ACTN1: variants seen among roughly 807,000 people sequenced by gnomAD.
The protein encoded by ACTN1 is alpha-actinin-1.
Under a neutral mutation model 119.6 loss-of-function variants are expected in ACTN1, and 30 were observed. That is an observed-to-expected ratio of 0.25 (90% CI 0.19 to 0.34). ACTN1 has a LOEUF of 0.34. Among genes scored for constraint, ACTN1 ranks in the 10% least tolerant of loss-of-function variants. The pLI, the probability that ACTN1 is intolerant of heterozygous loss-of-function variation, is 1.00. For missense variants in ACTN1, 764 were observed against 1,223.4 expected (o/e 0.62, Z 5.60); for synonymous variants, 429 against 472.6 (o/e 0.91, Z 1.20).
chr14:68,973,668 CCTAGTTTG>C lies in ACTN1; in HGVS notation c.105+5276_105+5283del, dbSNP rs944695531. On this transcript the variant is annotated intron_variant, in intron 1 of 21. Transcript: ENST00000394419. The stretch of plus-strand genomic sequence containing the variant: ...AAGGGGTTCCAGGGTGGCTCTGAGC[CCTAGTTTG>C]CTGTGTCTCCTGTCCCTACTACTCC... 22 of 152,188 alleles carry C rather than the reference CCTAGTTTG, an allele frequency of 1.4e-4. 2 individuals are homozygous for C. Among genetic ancestry groups the C allele is most frequent in the Admixed American group, 1.4e-3 (22 of 15,268 alleles). The allele number at this position is 152,188 out of a possible 1,614,324, so 9.4% of individuals were successfully genotyped here.
chr14:68,960,073 G>A (rs913064810), intron 1 of ACTN1, among the ~76,000 whole-genome samples: 8 of 152,126 alleles, frequency 5.3e-5, no homozygotes, highest in Admixed American at 1.3e-4. Context: ...AGTGGAAGTG[G>A]ATCATCATGA....
Position 68,880,003 on chromosome 14 carries a change from G to C in ACTN1, c.2239C>G (p.Gln747Glu), listed in dbSNP as rs747751019. 92 of 1,614,074 alleles carry C rather than the reference G, an allele frequency of 5.7e-5. No individual in the cohort carries two copies. Among genetic ancestry groups the C allele is most frequent in the Middle Eastern group, 4.9e-4 (3 of 6,082 alleles). The change falls in exon 18 of 22, where the codon CAG becomes GAG. Residue 747 changes from glutamine to glutamate, a missense_variant. This residue lies in a region of ACTN1 where 544 missense variants were observed against 912.0 expected (regional missense o/e 0.60). Coordinates refer to ENST00000394419, the MANE Select transcript of ACTN1 (RefSeq NM_001130004.2). This position sits in a 1 kb window ranked among gnomAD's most constrained non-coding sequence, Gnocchi z 4.6. Reference protein sequence around the residue: ...TRDAKGISQEQMNEFRASFNH... With the variant: ...TRDAKGISQEEMNEFRASFNH... ...AAGGAGGCCCGGAACTCATTCATCT[G>C]CTCCTGGCTGATGCCCTTGGCATCC...
At position 68,874,909 on chromosome 14, in the gene ACTN1, G is replaced by A; in HGVS notation, c.2695C>T (p.Leu899=). 1 of 1,610,746 alleles carries A rather than the reference G, an allele frequency of 6.2e-7. No homozygotes were observed. Among genetic ancestry groups the A allele is most frequent in the Non-Finnish European group, 8.5e-7 (1 of 1,177,530 alleles). ...YTGPDSVPGA[L]DYMSFSTALY... is the part of the protein sequence containing the mutation. ...GCCGTGGAGAAGGACATGTAGTCCA[G>A]AGCACCTGGCACGGAGTCGGGGCCG... Residue 899 remains leucine, a synonymous_variant, in exon 22 of 22, where the codon CTG becomes TTG. Coordinates refer to ENST00000394419, the MANE Select transcript of ACTN1 (RefSeq NM_001130004.2).
At chr14:68,969,626 C>T (rs1200296975) in intron 1 of ACTN1, among the ~76,000 whole-genome samples, 1 of 152,322 alleles carries the variant, frequency 6.6e-6, no homozygotes, top group Non-Finnish European at 1.5e-5. Flanking sequence ...GACAGACAGG[C>T]ACCCCTGCTC....
intron 1 of ACTN1, among the ~76,000 whole-genome samples, chr14:68,954,590 T>A (rs1221482170): frequency 2.0e-5 from 3 of 152,192 alleles, no homozygotes; most frequent in Non-Finnish European, 4.4e-5. Flanking sequence ...CCTCCCAAAG[T>A]GCTGGGATTA....
chr14:68,918,245 G>A (rs1004255333), intron 3 of ACTN1, among the ~76,000 whole-genome samples: 2 of 152,192 alleles, frequency 1.3e-5, no homozygotes, highest in African/African-American at 4.8e-5. Context: ...CAGCATGGCA[G>A]GGGCAGGCTT....
chr14:68,978,418 G>T, intron 1 of ACTN1: 1 of 350,448 alleles, frequency 2.9e-6, no homozygotes, highest in Non-Finnish European at 5.6e-6. Flanking sequence ...ATCCGGAGGC[G>T]GCCGCCGATC....
At chr14:68,953,582 A>C (rs1566669997) in intron 1 of ACTN1, among the ~76,000 whole-genome samples, 2 of 152,308 alleles carry the variant, frequency 1.3e-5, no homozygotes, top group African/African-American at 4.8e-5. Context: ...TGACTCCTTA[A>C]GAAAAGGGAC....
At chr14:68,948,166 C>G (rs1190656908) in intron 1 of ACTN1, among the ~76,000 whole-genome samples, 1 of 152,254 alleles carries the variant, frequency 6.6e-6, no homozygotes, top group African/African-American at 2.4e-5. Context: ...GAGTCCCCCC[C>G]AGGCCCTTCC....
intron 1 of ACTN1, among the ~76,000 whole-genome samples, chr14:68,970,078 A>G (rs1287020301): frequency 6.6e-6 from 1 of 152,120 alleles, no homozygotes; most frequent in East Asian, 1.9e-4. Context: ...ATGCTCCCCT[A>G]CAAGCCCTGG....
At chr14:68,945,235 C>A (rs2035904840) in intron 1 of ACTN1, among the ~76,000 whole-genome samples, 1 of 149,720 alleles carries the variant, frequency 6.7e-6, no homozygotes. Context: ...AGCAAAGGCC[C>A]CAGAGAAAAG....
intron 7 of ACTN1, among the ~76,000 whole-genome samples, chr14:68,903,268 C>T (rs1425741566): frequency 6.6e-6 from 1 of 152,168 alleles, no homozygotes; most frequent in Non-Finnish European, 1.5e-5. Flanking sequence ...TTCCTCATGA[C>T]ATTTTGAAAT....
At chr14:68,953,760 G>A (rs2036253902) in intron 1 of ACTN1, among the ~76,000 whole-genome samples, 1 of 151,584 alleles carries the variant, frequency 6.6e-6, no homozygotes, top group South Asian at 2.1e-4. Context: ...GGTGGCATGC[G>A]CCTGTACTCC....
At chr14:68,953,062 G>A (rs988689563) in intron 1 of ACTN1, among the ~76,000 whole-genome samples, 3 of 152,076 alleles carry the variant, frequency 2.0e-5, no homozygotes, top group African/African-American at 4.8e-5. Flanking sequence ...GTCAGCCTGC[G>A]CACCCACCCC....
At chr14:68,881,126 T>C in intron 16 of ACTN1, 137 bp from the exon 17 acceptor site, 1 of 756,946 alleles carries the variant, frequency 1.3e-6, no homozygotes, top group Non-Finnish European at 2.1e-6. Flanking sequence ...AGGCCATCAC[T>C]GGTAATTAGT....
At chr14:68,911,746 G>A (rs1284967858) in intron 4 of ACTN1, among the ~76,000 whole-genome samples, 1 of 152,196 alleles carries the variant, frequency 6.6e-6, no homozygotes, top group African/African-American at 2.4e-5. Flanking sequence ...CCAGACCATG[G>A]CGGCCCTTGC....
intron 1 of ACTN1, among the ~76,000 whole-genome samples, chr14:68,930,251 C>A (rs990829598): frequency 6.6e-6 from 1 of 152,152 alleles, no homozygotes; most frequent in Admixed American, 6.5e-5. Context: ...CCAGGCATGA[C>A]TGACAGGAAG....
At chr14:68,976,159 A>C (rs1157122566) in intron 1 of ACTN1, among the ~76,000 whole-genome samples, 1 of 152,224 alleles carries the variant, frequency 6.6e-6, no homozygotes, top group Non-Finnish European at 1.5e-5. Context: ...AAATGGAAAG[A>C]CTTGCCCAAA....
Position 68,882,689 on chromosome 14 carries a change from C to CA in ACTN1, c.1819-98dup. On this transcript the variant is annotated intron_variant, in intron 15 of 21. Coordinates refer to ENST00000394419, the MANE Select transcript of ACTN1 (RefSeq NM_001130004.2). The surrounding 1 kb of genome is among the most constrained non-coding windows in gnomAD (Gnocchi z 4.5). ...AGGACCCAGAAGGGGAAGGGCCGGT[C>CA]AGTAACAGAACAGGAGTAAAGGTGT... 6.4e-7 allele frequency: 1 copy of CA among 1,566,746 alleles called. No homozygotes were observed. The highest frequency in any genetic ancestry group is 8.7e-7 in the Non-Finnish European group (1 of 1,150,332).
Sources: allele counts gnomAD v4.1 joint callset (sites outside exome capture counted in the v4.1 genomes callset), GRCh38; gene constraint gnomAD v4.1.1; regional missense constraint gnomAD v4.1.1; non-coding constraint Gnocchi (gnomAD v3.1); transcripts MANE v1.5; gene names NCBI Gene and HGNC (gene_info 2026-07-23, HGNC 2026-07-21).